The following TBC1D15 variants were observed in gnomAD, a reference collection of about 807,000 sequenced individuals.
The protein encoded by TBC1D15 is GAP for RAB7.
A neutral mutation model predicts 95.4 loss-of-function variants in TBC1D15; 39 were observed. That is an observed-to-expected ratio of 0.41 (90% CI 0.32 to 0.53). TBC1D15 has a LOEUF of 0.53. Ranked by LOEUF, TBC1D15 falls within the 20% of genes least tolerant of loss-of-function variation. TBC1D15 has a pLI of 0.29. For missense variants in TBC1D15, 733 were observed against 794.3 expected (o/e 0.92, Z 0.93); for synonymous variants, 258 against 261.3 (o/e 0.99, Z 0.12).
intron 1 of TBC1D15, chr12:71,861,586 C>CT: frequency 1.6e-6 from 2 of 1,217,630 alleles, no homozygotes; most frequent in East Asian, 2.9e-5. Flanking sequence ...GGTCTTTTCA[C>CT]TTTTTTTCTT....
chr12:71,896,222 A>G lies in TBC1D15; in HGVS notation c.984+147A>G, dbSNP rs555604546. The stretch of plus-strand genomic sequence containing the variant: ...GAAGTAGGGAGGAATGAACTCTGTT[A>G]TTTCTTTGATGAATGATGCCTTAAA... On this transcript the variant is annotated intron_variant, in intron 8 of 16. Coordinates refer to ENST00000485960, the MANE Select transcript of TBC1D15 (RefSeq NM_001146213.3). The G allele has an allele frequency of 6.3e-5, 42 of 671,798 alleles. No individual in the cohort carries two copies. In the South Asian group the frequency reaches 9.0e-4, roughly 14 times the overall value. The allele number at this position is 671,798 out of a possible 1,614,324, so 41.6% of individuals were successfully genotyped here. A position where few individuals can be genotyped will look rare whatever the true frequency, so the allele number is the denominator to read the frequency against.
chr12:71,918,078 C>T (rs1041415624), intron 13 of TBC1D15, among the ~76,000 whole-genome samples: 2 of 152,020 alleles, frequency 1.3e-5, no homozygotes, highest in African/African-American at 2.4e-5. Context: ...TTACTTGAGC[C>T]GAGGAGGTTG....
chr12:71,845,182 G>A (rs1033077188), intron 1 of TBC1D15, among the ~76,000 whole-genome samples: 1 of 152,180 alleles, frequency 6.6e-6, no homozygotes, highest in Non-Finnish European at 1.5e-5. Flanking sequence ...GGAGTATCAG[G>A]AAGTATAGCC....
At chr12:71,851,581 A>T (rs1887839782) in intron 1 of TBC1D15, among the ~76,000 whole-genome samples, 1 of 152,224 alleles carries the variant, frequency 6.6e-6, no homozygotes, top group African/African-American at 2.4e-5. Flanking sequence ...TACTCCCAAG[A>T]TTCAATGGGG....
intron 4 of TBC1D15, among the ~76,000 whole-genome samples, chr12:71,881,942 TAAG>T (rs1296604845): frequency 6.9e-5 from 10 of 144,762 alleles, no homozygotes; most frequent in East Asian, 2.0e-4. Flanking sequence ...AAAAAAAAGT[TAAG>T]GAGGCATTTT....
chr12:71,916,106 A>G (rs2139047704), intron 12 of TBC1D15, among the ~76,000 whole-genome samples: 1 of 152,250 alleles, frequency 6.6e-6, no homozygotes, highest in Admixed American at 6.6e-5. Flanking sequence ...GAACTTTGTT[A>G]TACCCATCAT....
chr12:71,915,575 A>G (rs1903513493), intron 12 of TBC1D15, among the ~76,000 whole-genome samples: 1 of 152,042 alleles, frequency 6.6e-6, no homozygotes, highest in African/African-American at 2.4e-5. Flanking sequence ...ACATACACAC[A>G]TGCATACAGA....
intron 1 of TBC1D15, among the ~76,000 whole-genome samples, chr12:71,860,141 G>C (rs1278907674): frequency 1.3e-5 from 2 of 152,148 alleles, no homozygotes; most frequent in African/African-American, 4.8e-5. Context: ...GCCCCATGCT[G>C]TTTTGGTTAC....
intron 5 of TBC1D15, among the ~76,000 whole-genome samples, chr12:71,889,121 C>CTTTTATTATTTGCCAATTAT: frequency 6.6e-6 from 1 of 152,142 alleles, no homozygotes; most frequent in Non-Finnish European, 1.5e-5. Context: ...AGATGTGAGC[C>CTTTTATTATTTGCCAATTAT]TAAGTGATTA....
At chr12:71,907,339 A>G (rs1293197357) in intron 11 of TBC1D15, 37 of 358,350 alleles carry the variant, frequency 1.0e-4, no homozygotes, top group Non-Finnish European at 1.6e-4. Context: ...CAGGAGCACC[A>G]TGGGATATTT....
chr12:71,846,460 C>T (rs912358696), intron 1 of TBC1D15, among the ~76,000 whole-genome samples: 3 of 152,160 alleles, frequency 2.0e-5, no homozygotes, highest in African/African-American at 7.2e-5. Flanking sequence ...TTTAATTTCT[C>T]TGTTCTTTAT....
At chr12:71,919,947 A>T (rs1868613730) in intron 14 of TBC1D15, among the ~76,000 whole-genome samples, 1 of 152,250 alleles carries the variant, frequency 6.6e-6, no homozygotes, top group Non-Finnish European at 1.5e-5. Flanking sequence ...GGTTAATTGC[A>T]TTGTAATTAA....
At chr12:71,884,659 C>T (rs957860565) in intron 4 of TBC1D15, 152 bp from the exon 5 acceptor site, 1 of 590,604 alleles carries the variant, frequency 1.7e-6, no homozygotes, top group Non-Finnish European at 3.0e-6. Flanking sequence ...ATATAAGTAG[C>T]CATATCTAAT....
At chr12:71,910,689 T>C (rs1285858807) in intron 11 of TBC1D15, among the ~76,000 whole-genome samples, 1 of 152,060 alleles carries the variant, frequency 6.6e-6, no homozygotes, top group Non-Finnish European at 1.5e-5. Flanking sequence ...ATAAGAATGC[T>C]TACCATTCAG....
chr12:71,845,137 A>G (rs1885982451), intron 1 of TBC1D15, among the ~76,000 whole-genome samples: 1 of 152,244 alleles, frequency 6.6e-6, no homozygotes, highest in African/African-American at 2.4e-5. Flanking sequence ...AACAGAGTTC[A>G]CAATGGCCCA....
At chr12:71,839,838 C>T (rs1178827706) in intron 1 of TBC1D15, 27 bp downstream of exon 1, 4 of 1,613,866 alleles carry the variant, frequency 2.5e-6, no homozygotes, top group South Asian at 1.1e-5. Context: ...AGGAAGACCT[C>T]GGCTTTTCTC....
intron 1 of TBC1D15, among the ~76,000 whole-genome samples, chr12:71,846,339 A>G (rs1886256435): frequency 6.6e-6 from 1 of 152,332 alleles, no homozygotes; most frequent in Non-Finnish European, 1.5e-5. Flanking sequence ...TTTTTATCCC[A>G]AAAGGAAAAC....
intron 1 of TBC1D15, among the ~76,000 whole-genome samples, chr12:71,861,688 TTC>T (rs1314371891): frequency 6.6e-6 from 1 of 152,036 alleles, no homozygotes; most frequent in African/African-American, 2.4e-5. Flanking sequence ...TCAATTTTAT[TTC>T]TGTTTTGATC....
intron 1 of TBC1D15, among the ~76,000 whole-genome samples, chr12:71,866,465 A>T (rs1294977937): frequency 6.6e-6 from 1 of 152,188 alleles, no homozygotes; most frequent in African/African-American, 2.4e-5. Context: ...CTTTAGGAAG[A>T]AGTTCCTCCT....
Sources: allele counts gnomAD v4.1 joint callset (sites outside exome capture counted in the v4.1 genomes callset), GRCh38; gene constraint gnomAD v4.1.1; transcripts MANE v1.5; gene names NCBI Gene and HGNC (gene_info 2026-07-23, HGNC 2026-07-21).